Variants in ZNF273 observed in about 807,000 individuals in gnomAD.
ZNF273 encodes the protein zinc finger protein 273.
ZNF273 carries 11 observed loss-of-function variants against 14.9 expected under a neutral mutation model. The observed-to-expected ratio is 0.74, with a 90% CI of 0.46 to 1.22. ZNF273 has a LOEUF of 1.22. Ranked by LOEUF, ZNF273 falls within the 50% of genes most tolerant of loss-of-function variation. The pLI, the probability that ZNF273 is intolerant of heterozygous loss-of-function variation, is 0.00. For synonymous variants in ZNF273, 199 were observed against 223.9 expected (o/e 0.89, Z 0.99); for missense variants, 577 against 660.6 (o/e 0.87, Z 1.39).
downstream of ZNF273, among the ~76,000 whole-genome samples, chr7:64,884,384 T>A (rs1322782213): frequency 6.6e-6 from 1 of 152,122 alleles, no homozygotes; most frequent in African/African-American, 2.4e-5. Flanking sequence ...TCATGGGGGA[T>A]CCACAGTGCC....
intron 1 of ZNF273, among the ~76,000 whole-genome samples, chr7:64,912,603 A>G (rs896073743): frequency 2.0e-5 from 3 of 152,120 alleles, no homozygotes; most frequent in African/African-American, 7.2e-5. Flanking sequence ...AGAGTTCAAG[A>G]GCATGTCCTG....
Position 64,903,367 on chromosome 7 carries a change from G to T in ZNF273, c.50G>T (p.Gly17Val). The T allele has an allele frequency of 1.9e-6, 3 of 1,613,622 alleles. No homozygotes were observed. Among genetic ancestry groups the T allele is most frequent in the Non-Finnish European group, 1.7e-6 (2 of 1,179,676 alleles). The change falls in exon 1 of 4, where the codon GGT becomes GTT. Residue 17 changes from glycine (G) to valine (V), a missense_variant. Gly to Val is a moderately radical substitution (Grantham distance 109, BLOSUM62 -3). Around this residue, in one of 3 missense-constraint regions of ZNF273, gnomAD observed 162 missense variants for 203.5 expected, o/e 0.80. Transcript: ENST00000476120. ...GPPSVAPLPA[G>V]IGRSTAKTPG... ...CCTTCTGTGGCCCCGTTACCTGCAG[G>T]TATTGGGAGATCCACAGCTAAGACG...
At chr7:64,894,090 C>T (rs1416828407), downstream of ZNF273, among the ~76,000 whole-genome samples, 1 of 152,108 alleles carries the variant, frequency 6.6e-6, no homozygotes, top group African/African-American at 2.4e-5. Flanking sequence ...CTGCAACCTC[C>T]GTCTCCCGGG....
upstream of ZNF273, among the ~76,000 whole-genome samples, chr7:64,900,089 G>C (rs940197494): frequency 2.0e-5 from 3 of 151,520 alleles, no homozygotes; most frequent in African/African-American, 7.3e-5. Flanking sequence ...AAATGATTAG[G>C]TATGCTTTAT....
At chr7:64,900,688 A>G (rs1534148), upstream of ZNF273, among the ~76,000 whole-genome samples, 139,354 of 152,238 alleles carry the variant, frequency 0.92, 64,078 homozygotes, top group South Asian at 0.97. Context: ...CCAGATTTTC[A>G]CACCTATGCA....
upstream of ZNF273, among the ~76,000 whole-genome samples, chr7:64,901,008 T>TTA (rs76855048): frequency 0.47 from 69,193 of 147,748 alleles, 15,892 homozygotes; most frequent in Admixed American, 0.51. Context: ...CTTTATTTAT[T>TTA]TTTTTTTTTT....
chr7:64,927,510 A>G, intron 3 of ZNF273, 144 bp from the exon 4 acceptor site: 1 of 661,120 alleles, frequency 1.5e-6, no homozygotes. Flanking sequence ...TGTTACATTG[A>G]TATGTCTGTG....
At chr7:64,879,903 G>T (rs1051605480), downstream of ZNF273, 1 of 152,210 alleles carries the variant, frequency 6.6e-6, no homozygotes, top group Non-Finnish European at 1.5e-5. Flanking sequence ...TTGGGGGCCC[G>T]CAGTACTTGT....
chr7:64,918,546 A>C lies in ZNF273; in HGVS notation c.325+254A>C, dbSNP rs183457602. On this transcript the variant is annotated intron_variant, in intron 3 of 3. Transcript: ENST00000476120. Reference sequence around the variant, plus strand: ...CGTGGTGGCACATGCCTGTAGTCCCAGCTACTTGGAAGGCTGAGGCAGGAA... The same window carrying C: ...CGTGGTGGCACATGCCTGTAGTCCCCGCTACTTGGAAGGCTGAGGCAGGAA... Among the ~76,000 whole-genome samples the C allele has an allele frequency of 9.1e-3, 1,388 of 151,744 alleles. 16 individuals are homozygous for C. Among genetic ancestry groups the C allele is most frequent in the African/African-American group, 0.032 (1,318 of 41,352 alleles).
Position 64,928,851 on chromosome 7 carries a change from A to C in ZNF273, c.1523A>C (p.His508Pro). 6.2e-7 allele frequency: 1 copy of C among 1,613,976 alleles called. No homozygotes were observed. The highest frequency in any genetic ancestry group is 1.7e-5 in the Admixed American group (1 of 60,014). Reference sequence around the variant, plus strand: ...ACTCTTACTAAACATAAGAGAATTCATACTGGAGAGAAGCCCTACAAATGT... The same window carrying C: ...ACTCTTACTAAACATAAGAGAATTCCTACTGGAGAGAAGCCCTACAAATGT... ...SSTLTKHKRI[H>P]TGEKPYKCEE... is the part of the protein sequence containing the mutation. Residue 508 changes from histidine to proline, a missense_variant, in exon 4 of 4, where the codon CAT (histidine) becomes CCT (proline). Around this residue, in one of 3 missense-constraint regions of ZNF273, gnomAD observed 411 missense variants for 440.4 expected, o/e 0.93. Coordinates refer to ENST00000476120, the MANE Select transcript of ZNF273 (RefSeq NM_021148.3).
intron 1 of ZNF273, among the ~76,000 whole-genome samples, chr7:64,914,180 G>GT (rs1793773323): frequency 1.9e-3 from 122 of 63,054 alleles, no homozygotes; most frequent in African/African-American, 3.8e-3. Context: ...GGTAATTTTT[G>GT]TATTTTTTTT....
intron 1 of ZNF273, among the ~76,000 whole-genome samples, chr7:64,904,130 CAGGCTGG>C (rs1792923936): frequency 6.6e-6 from 1 of 152,180 alleles, no homozygotes; most frequent in South Asian, 2.1e-4. Flanking sequence ...CACTGTCGCT[CAGGCTGG>C]AGTGCAATGG....
downstream of ZNF273, among the ~76,000 whole-genome samples, chr7:64,892,924 T>A (rs543903646): frequency 2.6e-5 from 4 of 152,274 alleles, no homozygotes; most frequent in African/African-American, 9.6e-5. Flanking sequence ...CTGCATCATA[T>A]TGCCCATTCC....
At chr7:64,902,272 G>A (rs376289019), upstream of ZNF273, among the ~76,000 whole-genome samples, 37 of 151,438 alleles carry the variant, frequency 2.4e-4, 4 homozygotes, top group South Asian at 7.7e-3. Context: ...TTATTTCAGA[G>A]AATTAACTCC....
At chr7:64,909,975 C>T (rs185970787) in intron 1 of ZNF273, among the ~76,000 whole-genome samples, 2 of 152,162 alleles carry the variant, frequency 1.3e-5, no homozygotes, top group African/African-American at 4.8e-5. Flanking sequence ...TTGTTAGCCA[C>T]ATGTGTGTCT....
chr7:64,899,822 G>C (rs1263653513), upstream of ZNF273, among the ~76,000 whole-genome samples: 1 of 150,234 alleles, frequency 6.7e-6, no homozygotes, highest in Admixed American at 6.6e-5. Flanking sequence ...GTGCAATGGC[G>C]TGATCTTGGC....
chr7:64,917,554 A>G (rs1794094822), intron 1 of ZNF273, 27 bp from the exon 2 acceptor site: 1 of 1,581,572 alleles, frequency 6.3e-7, no homozygotes, highest in Non-Finnish European at 8.6e-7. Flanking sequence ...GTTGGTAAAT[A>G]TGTTTTTGTG....
upstream of ZNF273, chr7:64,903,267 GC>G: frequency 1.4e-6 from 2 of 1,470,582 alleles, no homozygotes; most frequent in Non-Finnish European, 1.9e-6. Context: ...ATTTGGCGGG[GC>G]CTTTGTCTCT....
chr7:64,898,247 CCTTT>C, intron 4 of ZNF273, among the ~76,000 whole-genome samples: 1 of 152,030 alleles, frequency 6.6e-6, no homozygotes, highest in Admixed American at 6.6e-5. Context: ...ATTTATATCA[CCTTT>C]CTTCTCTATT....
Sources: gnomAD v4.1 joint callset for allele counts (sites outside exome capture counted in the v4.1 genomes callset) on GRCh38, gnomAD v4.1.1 for gene constraint, gnomAD v4.1.1 regional missense constraint, MANE v1.5 for transcripts, NCBI Gene and HGNC (gene_info 2026-07-23, HGNC 2026-07-21) for gene names.